Variants in NTRK2 observed in about 807,000 individuals in gnomAD.
The protein encoded by NTRK2 is BDNF/NT-3 growth factors receptor.
NTRK2 carries 13 observed loss-of-function variants against 94.5 expected under a neutral mutation model. That is an observed-to-expected ratio of 0.14 (90% CI 0.09 to 0.22). NTRK2 has a LOEUF of 0.22. Ranked by LOEUF, NTRK2 falls within the 10% of genes least tolerant of loss-of-function variation. The probability of loss-of-function intolerance (pLI) is 1.00; values close to 1 mark genes in which losing one functional copy is unlikely to be tolerated. For missense variants in NTRK2, 639 were observed against 1,071.2 expected, an observed-to-expected ratio of 0.60 and a Z score of 5.63; for synonymous variants, 372 against 407.4, an observed-to-expected ratio of 0.91 and a Z score of 1.05.
intron 12 of NTRK2, among the ~76,000 whole-genome samples, chr9:84,779,441 AC>A (rs2067353609): frequency 6.6e-6 from 1 of 152,114 alleles, no homozygotes; most frequent in African/African-American, 2.4e-5. Context: ...TCAGTTTCCA[AC>A]CCCCTCATCT....
intron 14 of NTRK2, among the ~76,000 whole-genome samples, chr9:84,902,762 C>T (rs1488065436): frequency 6.6e-6 from 1 of 152,146 alleles, no homozygotes; most frequent in Non-Finnish European, 1.5e-5. Context: ...AACAGAGACA[C>T]CCTGGGCTCT....
At chr9:84,934,044 G>A (rs1023181248) in intron 14 of NTRK2, 118 bp from the exon 15 acceptor site, 3 of 1,121,652 alleles carry the variant, frequency 2.7e-6, no homozygotes, top group Admixed American at 1.9e-5. Flanking sequence ...TCGGTTCACT[G>A]TGCACAGAGG....
At chr9:84,838,830 T>G (rs1387835348) in intron 12 of NTRK2, among the ~76,000 whole-genome samples, 2 of 152,078 alleles carry the variant, frequency 1.3e-5, no homozygotes, top group African/African-American at 4.8e-5. Context: ...CTTTAAAATA[T>G]AAAATAACAC....
chr9:84,898,887 A>T (rs1220911764), intron 14 of NTRK2, among the ~76,000 whole-genome samples: 1 of 152,060 alleles, frequency 6.6e-6, no homozygotes, highest in African/African-American at 2.4e-5. Context: ...TTTTTAGTAG[A>T]GATGGGGTTT....
At chr9:84,774,310 C>G (rs1057157198) in intron 12 of NTRK2, among the ~76,000 whole-genome samples, 2 of 152,108 alleles carry the variant, frequency 1.3e-5, no homozygotes, top group African/African-American at 4.8e-5. Context: ...GGATGCTGCC[C>G]CGGCCAGTTT....
chr9:84,895,930 T>C (rs886769451), intron 14 of NTRK2, among the ~76,000 whole-genome samples: 18 of 152,384 alleles, frequency 1.2e-4, no homozygotes, highest in Admixed American at 5.9e-4. Flanking sequence ...CTCCATATTA[T>C]TCACTTGCAG....
intron 17 of NTRK2, among the ~76,000 whole-genome samples, chr9:84,979,970 A>G (rs1827379159): frequency 6.6e-6 from 1 of 152,252 alleles, no homozygotes; most frequent in Non-Finnish European, 1.5e-5. Flanking sequence ...TGCATACATA[A>G]TAAACCACAG....
At chr9:84,700,747 C>A (rs2060669262) in intron 2 of NTRK2, among the ~76,000 whole-genome samples, 1 of 152,076 alleles carries the variant, frequency 6.6e-6, no homozygotes, top group Non-Finnish European at 1.5e-5. Flanking sequence ...TTCATTTTAA[C>A]TCACATTGTT....
At chr9:84,695,804 C>T (rs1454022230) in intron 2 of NTRK2, among the ~76,000 whole-genome samples, 1 of 152,196 alleles carries the variant, frequency 6.6e-6, no homozygotes, top group East Asian at 1.9e-4. Flanking sequence ...ACTGTGCCCT[C>T]ACAGGGCAAG....
chr9:84,794,740 G>T (rs989224741), intron 12 of NTRK2, among the ~76,000 whole-genome samples: 1 of 152,146 alleles, frequency 6.6e-6, no homozygotes, highest in Non-Finnish European at 1.5e-5. Flanking sequence ...TGCATATAAA[G>T]GGACTTTGGG....
chr9:84,694,398 A>G (rs1300873286), intron 2 of NTRK2, among the ~76,000 whole-genome samples: 1 of 152,230 alleles, frequency 6.6e-6, no homozygotes, highest in Non-Finnish European at 1.5e-5. Flanking sequence ...AAAGCTGAAA[A>G]TGCCACTGCT....
At chr9:84,938,576 A>G (rs1406391651) in intron 15 of NTRK2, among the ~76,000 whole-genome samples, 1 of 152,170 alleles carries the variant, frequency 6.6e-6, no homozygotes, top group Non-Finnish European at 1.5e-5. Context: ...TATTTAATGA[A>G]TGGCATTGAA....
chr9:84,819,344 G>A (rs938270249), intron 12 of NTRK2, among the ~76,000 whole-genome samples: 2 of 152,196 alleles, frequency 1.3e-5, no homozygotes, highest in African/African-American at 4.8e-5. Flanking sequence ...AGTCGGGGTA[G>A]GAAGTACAGA....
At position 84,999,145 on chromosome 9, in the gene NTRK2, C is replaced by T. The variant is rs147019691; in HGVS notation, c.2173-21061C>T. On this transcript the variant is annotated intron_variant, in intron 17 of 18. Coordinates refer to ENST00000277120, the MANE Select transcript of NTRK2 (RefSeq NM_006180.6). ...GGAGGATGAGGTTAAACACCAAGCC[C>T]GCTCATTAAGTCCATTTGAGCGTCT... 8.1e-4 allele frequency among the ~76,000 whole-genome samples: 123 copies of T among 152,258 alleles called. 2 individuals carry two copies. The East Asian group carries it at 0.018, about 22-fold the overall frequency.
chr9:84,830,592 C>G (rs558774253), intron 12 of NTRK2, among the ~76,000 whole-genome samples: 121 of 151,890 alleles, frequency 8.0e-4, no homozygotes, highest in African/African-American at 2.8e-3. Context: ...TTTCTTTGAA[C>G]TGTTCTTAGC....
chr9:84,727,937 G>C lies in NTRK2; in HGVS notation c.1137G>C (p.Met379Ile). The C allele has an allele frequency of 3.1e-6, 5 of 1,614,132 alleles. No homozygotes were observed. The highest frequency in any genetic ancestry group is 4.2e-6 in the Non-Finnish European group (5 of 1,180,002). The change falls in exon 9 of 19, where the codon ATG (methionine) becomes ATC (isoleucine). Residue 379 changes from methionine (M) to isoleucine (I), a missense_variant. Coordinates refer to ENST00000277120, the MANE Select transcript of NTRK2 (RefSeq NM_006180.6). Reference protein sequence around the residue: ...KDEKQISAHFMGWPGIDDGAN... With the variant: ...KDEKQISAHFIGWPGIDDGAN... ...AGAAACAGATTTCTGCTCACTTCAT[G>C]GGCTGGCCTGGAATTGACGATGGTG...
intron 2 of NTRK2, among the ~76,000 whole-genome samples, chr9:84,693,596 G>A (rs1388110535): frequency 2.6e-5 from 4 of 152,136 alleles, no homozygotes; most frequent in Non-Finnish European, 5.9e-5. Flanking sequence ...TCACCAGCTA[G>A]TTAGTAACCA....
chr9:84,999,510 A>G (rs1228228062), intron 17 of NTRK2, among the ~76,000 whole-genome samples: 2 of 152,308 alleles, frequency 1.3e-5, no homozygotes, highest in African/African-American at 4.8e-5. Context: ...GCTGAGTACT[A>G]TTGCTATACT....
At chr9:84,960,873 G>T (rs936813584) in intron 17 of NTRK2, among the ~76,000 whole-genome samples, 1 of 152,260 alleles carries the variant, frequency 6.6e-6, no homozygotes, top group Non-Finnish European at 1.5e-5. Flanking sequence ...AGGGCATGGC[G>T]CATATGAGGT....
Sources: allele counts gnomAD v4.1 joint callset (sites outside exome capture counted in the v4.1 genomes callset), GRCh38; gene constraint gnomAD v4.1.1; transcripts MANE v1.5; gene names NCBI Gene and HGNC (gene_info 2026-07-23, HGNC 2026-07-21).